The following UCKL1 variants were observed in gnomAD, a reference collection of about 807,000 sequenced individuals.
UCKL1 encodes uridine-cytidine kinase-like 1.
In UCKL1, 65 loss-of-function variants were observed where a neutral mutation model predicts 59.2. That is an observed-to-expected ratio of 1.10 (90% CI 0.90 to 1.35). UCKL1 has a LOEUF of 1.35. Among genes scored for constraint, UCKL1 ranks in the 40% most tolerant of loss-of-function variants. The pLI is 0.00. For missense variants in UCKL1, 703 were observed against 784.3 expected (o/e 0.90, Z 1.24); for synonymous variants, 410 against 323.1 (o/e 1.27, Z -2.88).
At chr20:63,942,898 C>A (rs958148772) in intron 8 of UCKL1, among the ~76,000 whole-genome samples, 3 of 152,176 alleles carry the variant, frequency 2.0e-5, no homozygotes, top group Non-Finnish European at 2.9e-5. Flanking sequence ...ATGCAGGCAC[C>A]GGAAGCTGGA....
chr20:63,951,120 C>A, intron 1 of UCKL1: 2 of 1,124,238 alleles, frequency 1.8e-6, no homozygotes, highest in Non-Finnish European at 2.2e-6. Context: ...GAAGCCTCCA[C>A]CGTACTGAGG....
chr20:63,956,373 G>C lies in UCKL1; in HGVS notation c.-1C>G. 6.7e-7 allele frequency: 1 copy of C among 1,496,000 alleles called. No homozygotes were observed. Among genetic ancestry groups the C allele is most frequent in the Middle Eastern group, 2.0e-4 (1 of 4,996 alleles). The allele number at this position is 1,496,000 out of a possible 1,614,324, so 92.7% of individuals were successfully genotyped here. On this transcript the variant is annotated 5_prime_UTR_variant, in exon 1 of 15. Coordinates refer to ENST00000354216, the MANE Select transcript of UCKL1 (RefSeq NM_017859.4). ...CCGCGCGGGCCGGGGGCGCAGCCATGGCGCTCGGAGGCCTCTTTGCGGGCC... is the reference window on the plus strand; with the variant it reads ...CCGCGCGGGCCGGGGGCGCAGCCATCGCGCTCGGAGGCCTCTTTGCGGGCC...
rs776117343 is a variant in UCKL1, at chr20:63,944,734, G to A, written c.655C>T (p.Leu219Phe). 3 of 1,612,410 alleles carry A rather than the reference G, an allele frequency of 1.9e-6. No homozygotes were observed. Among genetic ancestry groups the A allele is most frequent in the Non-Finnish European group, 2.5e-6 (3 of 1,179,914 alleles). ...MAFADKTLLE[L>F]LDMKIFVDTD... ...TCCACAAAGATCTTCATGTCCAGGA[G>A]CTGGTGGAGACAGCGGGCCAGTGAG... Residue 219 changes from leucine to phenylalanine, a missense_variant and splice_region_variant, in exon 6 of 15, where the codon CTC becomes TTC. By Grantham distance (22) the Leu-to-Phe change is conservative (BLOSUM62 0). This residue lies in a region of UCKL1 where 398 missense variants were observed against 373.0 expected (regional missense o/e 1.07). Coordinates refer to ENST00000354216, the MANE Select transcript of UCKL1 (RefSeq NM_017859.4).
chr20:63,946,160 C>A lies in UCKL1; in HGVS notation c.411+1G>T. 6.2e-7 allele frequency: 1 copy of A among 1,611,928 alleles called. No homozygotes were observed. The highest frequency in any genetic ancestry group is 8.5e-7 in the Non-Finnish European group (1 of 1,179,494). ...CTCGGGGGAGCTGGGCGGGGGCCCA[C>A]CTTGTAGAAGGAGTCCATGGACAGC... On this transcript the variant is annotated splice_donor_variant, in intron 3 of 14. Transcript: ENST00000354216. LOFTEE classifies it high-confidence loss of function.
chr20:63,948,030 C>T (rs976315862), intron 1 of UCKL1, among the ~76,000 whole-genome samples: 1 of 152,250 alleles, frequency 6.6e-6, no homozygotes, highest in African/African-American at 2.4e-5. Flanking sequence ...CCTGCCCAGT[C>T]TGTTCTGAGA....
At chr20:63,951,624 G>A (rs1018197725) in intron 1 of UCKL1, among the ~76,000 whole-genome samples, 6 of 152,146 alleles carry the variant, frequency 3.9e-5, no homozygotes, top group African/African-American at 1.4e-4. Flanking sequence ...GGGACCTGCA[G>A]CCACCCAGGG....
chr20:63,944,559 A>C lies in UCKL1; in HGVS notation c.830T>G (p.Ile277Ser). The change falls in exon 6 of 15, where the codon ATC becomes AGC. Residue 277 changes from isoleucine to serine, a missense_variant. Physicochemically the swap from Ile to Ser is moderately radical, Grantham distance 142. Transcript: ENST00000354216. The part of the protein sequence containing the change: ...YIQPTMRLAD[I>S]VVPRGSGNTV... ...AGCAGGCTCACCTCTGGGGACCACG[A>C]TGTCTGCCAGGCGCATGGTGGGCTG... 1 of 1,611,280 alleles carries C rather than the reference A, an allele frequency of 6.2e-7. No individual in the cohort carries two copies. Among genetic ancestry groups the C allele is most frequent in the Non-Finnish European group, 8.5e-7 (1 of 1,179,206 alleles).
At chr20:63,941,467 G>C (rs2146372276) in intron 8 of UCKL1, 1 of 540,900 alleles carries the variant, frequency 1.8e-6, no homozygotes, top group East Asian at 3.5e-5. Flanking sequence ...GGTAGGCTGT[G>C]AGGGCCCCTC....
At chr20:63,941,441 G>A (rs1367214985) in intron 8 of UCKL1, 2 of 615,346 alleles carry the variant, frequency 3.3e-6, no homozygotes, top group Non-Finnish European at 5.8e-6. Context: ...CTCACCATCA[G>A]GCAGAAAGCT....
At chr20:63,948,970 G>C (rs1326259209) in intron 1 of UCKL1, among the ~76,000 whole-genome samples, 1 of 100,878 alleles carries the variant, frequency 9.9e-6, no homozygotes, top group East Asian at 1.9e-4. Context: ...GCACACACAG[G>C]GGGCAGTGGA....
rs1413457521 is a variant in UCKL1, at chr20:63,956,195, C to G, written c.113+65G>C. ...TCGCGGCGGGGACGGACCACCCGCCCAGCTCGGCCGGATCTGCAGCCCCTT... is the reference window on the plus strand; with the variant it reads ...TCGCGGCGGGGACGGACCACCCGCCGAGCTCGGCCGGATCTGCAGCCCCTT... On this transcript the variant is annotated intron_variant, in intron 1 of 14. Coordinates refer to ENST00000354216, the MANE Select transcript of UCKL1 (RefSeq NM_017859.4). 4.4e-6 allele frequency: 6 copies of G among 1,373,998 alleles called. No individual in the cohort carries two copies. In the East Asian group the frequency reaches 1.2e-4, roughly 29 times the overall value. 85.1% of individuals were successfully genotyped at this position (1,373,998 alleles called of 1,614,324 possible). A position where few individuals can be genotyped will look rare whatever the true frequency, so the allele number is the denominator to read the frequency against.
intron 1 of UCKL1, among the ~76,000 whole-genome samples, chr20:63,947,557 C>T (rs542795651): frequency 3.0e-4 from 45 of 152,368 alleles, no homozygotes; most frequent in African/African-American, 9.9e-4. Flanking sequence ...GATTCTCCTG[C>T]AGTGACAGCA....
At chr20:63,947,424 G>C (rs983769405) in intron 1 of UCKL1, among the ~76,000 whole-genome samples, 2 of 152,228 alleles carry the variant, frequency 1.3e-5, no homozygotes, top group African/African-American at 2.4e-5. Context: ...AAGGAGACGT[G>C]AGGGCGGCGT....
At chr20:63,945,251 G>A (rs1045158799) in intron 5 of UCKL1, among the ~76,000 whole-genome samples, 2 of 152,170 alleles carry the variant, frequency 1.3e-5, no homozygotes, top group African/African-American at 4.8e-5. Context: ...CAAGGGGCAG[G>A]ACCTGGGCCC....
rs2056160006 is a variant in UCKL1 at position 63,946,266 on chromosome 20, G to T, written c.306C>A (p.Gly102=). Reference sequence around the variant, plus strand: ...TCCCAGAGGCACTGCCGCCTCCCAAGCCTGCCGGCGGGAGTGGAGACCCTC... The same window carrying T: ...TCCCAGAGGCACTGCCGCCTCCCAATCCTGCCGGCGGGAGTGGAGACCCTC... ...GTQSKEAFAI[G]LGGGSASGKT... Residue 102 remains glycine, a splice_region_variant and synonymous_variant, in exon 3 of 15, where the codon GGC becomes GGA. Transcript: ENST00000354216. The T allele has an allele frequency of 3.8e-6, 6 of 1,586,038 alleles. No homozygotes were observed. The highest frequency in any genetic ancestry group is 4.3e-6 in the Non-Finnish European group (5 of 1,167,256).
intron 1 of UCKL1, among the ~76,000 whole-genome samples, chr20:63,949,449 A>T (rs903961552): frequency 6.6e-5 from 10 of 152,184 alleles, no homozygotes; most frequent in Admixed American, 2.0e-4. Flanking sequence ...GGGACCCAGC[A>T]AACAGAAGCC....
At chr20:63,948,032 G>A (rs2056723423) in intron 1 of UCKL1, among the ~76,000 whole-genome samples, 1 of 152,230 alleles carries the variant, frequency 6.6e-6, no homozygotes, top group Non-Finnish European at 1.5e-5. Flanking sequence ...TGCCCAGTCT[G>A]TTCTGAGAGG....
At position 63,946,540 on chromosome 20, in the gene UCKL1, G is replaced by A. The variant is rs758957224; in HGVS notation, c.217C>T (p.Arg73Cys). Residue 73 changes from arginine (R) to cysteine (C), a missense_variant, in exon 2 of 15, where the codon CGT becomes TGT. Physicochemically the swap from Arg to Cys is radical, Grantham distance 180 (BLOSUM62 -3). Transcript: ENST00000354216. ...GTGTAGATGGTACGCTTGCTTGTAC[G>A]CAGCAGGGGAGGCTCTGACTTGCAC... Reference protein sequence around the residue: ...SQCKSEPPLLRTSKRTIYTAG... With the variant: ...SQCKSEPPLLCTSKRTIYTAG... The A allele has an allele frequency of 1.5e-5, 24 of 1,608,820 alleles. No homozygotes were observed. Among genetic ancestry groups the A allele is most frequent in the Admixed American group, 3.4e-5 (2 of 59,234 alleles).
chr20:63,949,150 G>T (rs964512360), intron 1 of UCKL1, among the ~76,000 whole-genome samples: 1 of 152,190 alleles, frequency 6.6e-6, no homozygotes, highest in South Asian at 2.1e-4. Flanking sequence ...TCAGGGGAGT[G>T]AGCACGGGGA....
Sources: allele counts gnomAD v4.1 joint callset (sites outside exome capture counted in the v4.1 genomes callset), GRCh38; gene constraint gnomAD v4.1.1; regional missense constraint gnomAD v4.1.1; transcripts MANE v1.5; gene names NCBI Gene and HGNC (gene_info 2026-07-23, HGNC 2026-07-21).